Variants in MOB3B observed in about 807,000 individuals in gnomAD.
The protein encoded by MOB3B is MOB kinase activator-like 2B.
MOB3B carries 7 observed loss-of-function variants against 18.7 expected under a neutral mutation model. That is an observed-to-expected ratio of 0.37 (90% CI 0.21 to 0.70). MOB3B has a LOEUF of 0.70. Ranked by LOEUF, MOB3B falls within the 30% of genes least tolerant of loss-of-function variation. The probability of loss-of-function intolerance (pLI) is 0.52; values close to 1 mark genes in which losing one functional copy is unlikely to be tolerated. For missense variants in MOB3B, 253 were observed against 281.3 expected, an observed-to-expected ratio of 0.90 and a Z score of 0.72; for synonymous variants, 111 against 99.9, an observed-to-expected ratio of 1.11 and a Z score of -0.66.
At chr9:27,388,364 C>A (rs1434922743) in intron 2 of MOB3B, among the ~76,000 whole-genome samples, 4 of 152,166 alleles carry the variant, frequency 2.6e-5, no homozygotes, top group African/African-American at 9.7e-5. Flanking sequence ...CCCAAGCACC[C>A]ATACAGCTTT....
chr9:27,498,729 T>C (rs1046810302), intron 1 of MOB3B, among the ~76,000 whole-genome samples: 1 of 152,214 alleles, frequency 6.6e-6, no homozygotes, highest in Non-Finnish European at 1.5e-5. Flanking sequence ...ACATGCACCA[T>C]TGAAAGGGGA....
At chr9:27,419,388 C>A (rs1352210473) in intron 2 of MOB3B, among the ~76,000 whole-genome samples, 1 of 152,172 alleles carries the variant, frequency 6.6e-6, no homozygotes, top group Non-Finnish European at 1.5e-5. Context: ...AGGCATCACA[C>A]TACCTGATTT....
chr9:27,382,178 G>A (rs1426520548), intron 2 of MOB3B, among the ~76,000 whole-genome samples: 5 of 152,142 alleles, frequency 3.3e-5, no homozygotes, highest in African/African-American at 4.8e-5. Context: ...CACTGTAAAT[G>A]TTATTGTTAT....
intron 2 of MOB3B, among the ~76,000 whole-genome samples, chr9:27,406,407 C>T (rs543718173): frequency 2.0e-5 from 3 of 152,094 alleles, no homozygotes; most frequent in African/African-American, 7.2e-5. Flanking sequence ...GTATACAGAA[C>T]CACAAAACCT....
At chr9:27,441,090 A>G (rs2814702) in intron 2 of MOB3B, among the ~76,000 whole-genome samples, 104,895 of 152,032 alleles carry the variant, frequency 0.69, 36,673 homozygotes, top group African/African-American at 0.75. Flanking sequence ...GCTGAGATCA[A>G]GCAGTAATTC....
chr9:27,388,389 C>T (rs1298422931), intron 2 of MOB3B, among the ~76,000 whole-genome samples: 3 of 152,274 alleles, frequency 2.0e-5, no homozygotes, highest in Non-Finnish European at 4.4e-5. Context: ...TTAGCACTGA[C>T]CAGGGGGTTA....
chr9:27,483,438 T>C (rs1819693271), intron 1 of MOB3B, among the ~76,000 whole-genome samples: 1 of 152,188 alleles, frequency 6.6e-6, no homozygotes, highest in South Asian at 2.1e-4. Flanking sequence ...GGCCAATATA[T>C]GGTACTTCTT....
At position 27,464,243 on chromosome 9, in the gene MOB3B, G is replaced by A. The variant is rs141652202; in HGVS notation, c.-198-8495C>T. On this transcript the variant is annotated intron_variant, in intron 1 of 3. Transcript: ENST00000262244. Reference sequence around the variant, plus strand: ...AGGGGTGGGGGGCACGGTGGCAATGGAAGCCCTGCATAGGAGGAAAGAAAG... The same window carrying A: ...AGGGGTGGGGGGCACGGTGGCAATGAAAGCCCTGCATAGGAGGAAAGAAAG... Among the ~76,000 whole-genome samples, 829 of 152,262 alleles carry A rather than the reference G, an allele frequency of 5.4e-3. 9 individuals carry two copies. The highest frequency in any genetic ancestry group is 0.019 in the African/African-American group (801 of 41,554).
chr9:27,390,535 C>G (rs1455080935), intron 2 of MOB3B, among the ~76,000 whole-genome samples: 1 of 152,168 alleles, frequency 6.6e-6, no homozygotes, highest in Non-Finnish European at 1.5e-5. Context: ...CCAGACACTG[C>G]TAACATTTCA....
At chr9:27,529,014 C>G (rs1463890671) in intron 1 of MOB3B, among the ~76,000 whole-genome samples, 1 of 152,194 alleles carries the variant, frequency 6.6e-6, no homozygotes, top group African/African-American at 2.4e-5. Context: ...TCCCCACCTC[C>G]GTGAGGCATC....
intron 2 of MOB3B, among the ~76,000 whole-genome samples, chr9:27,440,575 C>A (rs1042596341): frequency 3.3e-5 from 5 of 152,066 alleles, no homozygotes; most frequent in African/African-American, 1.2e-4. Context: ...TGGTGGTGGT[C>A]CACCACTCTC....
chr9:27,434,057 T>C (rs1822457053), intron 2 of MOB3B, among the ~76,000 whole-genome samples: 1 of 152,210 alleles, frequency 6.6e-6, no homozygotes, highest in Non-Finnish European at 1.5e-5. Flanking sequence ...TCTGTGAAGA[T>C]GCATGGTAGC....
intron 2 of MOB3B, among the ~76,000 whole-genome samples, chr9:27,447,871 T>C (rs1282647088): frequency 6.6e-6 from 1 of 152,178 alleles, no homozygotes; most frequent in Non-Finnish European, 1.5e-5. Context: ...CTGCATGTTT[T>C]CCAAGAATAG....
rs988304352 is a variant in MOB3B at position 27,498,111 on chromosome 9, C to T, written c.-199+31444G>A. ...TCACTTCCCGGCTGCCCACCCCCTT[C>T]TCCAGGCCTTGATTCCCAGCCCACA... On this transcript the variant is annotated intron_variant, in intron 1 of 3. Transcript: ENST00000262244. 2.6e-5 allele frequency among the ~76,000 whole-genome samples: 4 copies of T among 152,192 alleles called. 1 individual carries two copies. The highest frequency in any genetic ancestry group is 2.0e-4 in the Admixed American group (3 of 15,278).
intron 2 of MOB3B, among the ~76,000 whole-genome samples, chr9:27,431,564 C>G (rs996096705): frequency 6.6e-6 from 1 of 152,168 alleles, no homozygotes; most frequent in African/African-American, 2.4e-5. Flanking sequence ...ACATGAGGAC[C>G]AGTGATGTAA....
intron 3 of MOB3B, among the ~76,000 whole-genome samples, chr9:27,355,936 G>T (rs28670944): frequency 0.11 from 16,587 of 152,060 alleles, 1,158 homozygotes; most frequent in African/African-American, 0.19. Context: ...GATTTGAATA[G>T]GTGCATTGCA....
At chr9:27,360,066 G>T (rs947577413) in intron 2 of MOB3B, among the ~76,000 whole-genome samples, 1 of 152,174 alleles carries the variant, frequency 6.6e-6, no homozygotes, top group Non-Finnish European at 1.5e-5. Context: ...ATCTGTAAAA[G>T]AGCGGTCATA....
At position 27,330,296 on chromosome 9, in the gene MOB3B, T is replaced by G; in HGVS notation, c.*291A>C. ...AGGTCACAGGCAGAACTGTGCCATG[T>G]GTGGAAGTGCAGAGGCTTCCTCGTG... is the stretch of plus-strand genomic sequence containing the variant. On this transcript the variant is annotated 3_prime_UTR_variant, in exon 4 of 4. Transcript: ENST00000262244. 3.0e-6 allele frequency: 1 copy of G among 330,444 alleles called. No homozygotes were observed. Among genetic ancestry groups the G allele is most frequent in the Non-Finnish European group, 5.5e-6 (1 of 180,770 alleles). The allele number at this position is 330,444 out of a possible 1,614,324, so 20.5% of individuals were successfully genotyped here. A position where few individuals can be genotyped will look rare whatever the true frequency, so the allele number is the denominator to read the frequency against.
chr9:27,397,612 A>G (rs1194919488), intron 2 of MOB3B: 1 of 152,190 alleles, frequency 6.6e-6, no homozygotes, highest in African/African-American at 2.4e-5. Context: ...TTTTTAGTTC[A>G]TAGAACCCTC....
Sources: gnomAD v4.1 joint callset for allele counts (sites outside exome capture counted in the v4.1 genomes callset) on GRCh38, gnomAD v4.1.1 for gene constraint, MANE v1.5 for transcripts, NCBI Gene and HGNC (gene_info 2026-07-23, HGNC 2026-07-21) for gene names.